The following MPP7 variants were observed in gnomAD, a reference collection of about 807,000 sequenced individuals.
MPP7 encodes the protein MAGUK p55 scaffold protein 7.
A neutral mutation model predicts 76.5 loss-of-function variants in MPP7; 60 were observed. That is an observed-to-expected ratio of 0.78 (90% CI 0.64 to 0.97). The LOEUF is 0.97. MPP7 is among the 50% of genes least tolerant of loss of function. The pLI, the probability that MPP7 is intolerant of heterozygous loss-of-function variation, is 0.00. For synonymous variants in MPP7, 237 were observed against 244.5 expected (o/e 0.97, Z 0.29); for missense variants, 641 against 694.0 (o/e 0.92, Z 0.86).
intron 11 of MPP7, among the ~76,000 whole-genome samples, chr10:28,090,533 T>A (rs999376094): frequency 2.8e-4 from 43 of 152,234 alleles, no homozygotes; most frequent in African/African-American, 9.6e-4. Context: ...GCATTTTAAA[T>A]GTAAACAATA....
At chr10:28,218,233 G>C (rs932040914) in intron 2 of MPP7, among the ~76,000 whole-genome samples, 14 of 152,186 alleles carry the variant, frequency 9.2e-5, no homozygotes, top group African/African-American at 3.4e-4. Context: ...CTGGAAAGGA[G>C]TCGGGGGTAG....
chr10:28,238,989 G>A (rs1245690975), intron 1 of MPP7, among the ~76,000 whole-genome samples: 6 of 152,102 alleles, frequency 3.9e-5, no homozygotes, highest in Non-Finnish European at 7.4e-5. Flanking sequence ...TTGGGTTGAG[G>A]AACACTGATT....
At position 28,091,818 on chromosome 10, in the gene MPP7, A is replaced by G. The variant is rs141694062; in HGVS notation, c.953-1977T>C. Among the ~76,000 whole-genome samples the G allele has an allele frequency of 1.1e-4, 16 of 152,242 alleles. No homozygotes were observed. In the East Asian group the frequency reaches 3.1e-3, roughly 29 times the overall value. ...TTGTCCTTGTCATTATTCCCTAAAC[A>G]ATAGAGTATAATAATTTACATAGCA... is the stretch of plus-strand genomic sequence containing the variant. On this transcript the variant is annotated intron_variant, in intron 11 of 16. Transcript: ENST00000683449.
intron 1 of MPP7, among the ~76,000 whole-genome samples, chr10:28,269,507 T>C (rs1355525479): frequency 1.3e-5 from 2 of 151,370 alleles, no homozygotes; most frequent in East Asian, 3.9e-4. Flanking sequence ...CCTTCACAGT[T>C]TGAATATTTG....
chr10:28,273,486 AT>A (rs1235918586), intron 1 of MPP7, among the ~76,000 whole-genome samples: 1 of 152,220 alleles, frequency 6.6e-6, no homozygotes, highest in African/African-American at 2.4e-5. Flanking sequence ...GGAGACAGAC[AT>A]AAGCAATTGC....
At chr10:28,143,449 A>G (rs530914317) in intron 5 of MPP7, among the ~76,000 whole-genome samples, 1 of 149,776 alleles carries the variant, frequency 6.7e-6, no homozygotes, top group African/African-American at 2.4e-5. Flanking sequence ...ATAATAAATT[A>G]TCACATCTTA....
intron 1 of MPP7, among the ~76,000 whole-genome samples, chr10:28,293,691 C>T (rs1013806931): frequency 3.3e-5 from 5 of 152,170 alleles, no homozygotes; most frequent in South Asian, 2.1e-4. Flanking sequence ...GGGGCAGCTC[C>T]GCGTCACAGG....
chr10:28,302,094 A>G lies in MPP7; in HGVS notation c.-132+767T>C, dbSNP rs1841170065. On this transcript the variant is annotated intron_variant, in intron 1 of 16. Coordinates refer to ENST00000683449, the MANE Select transcript of MPP7 (RefSeq NM_001318170.2). The stretch of plus-strand genomic sequence containing the variant: ...GTGAATATTGCTTTTAAAAATTAGA[A>G]AAAGAAAAAAATCACAATTCTACTC... Among the ~76,000 whole-genome samples, 5 of 152,118 alleles carry G rather than the reference A, an allele frequency of 3.3e-5. 1 individual carries two copies. The highest frequency in any genetic ancestry group is 1.2e-4 in the African/African-American group (5 of 41,410).
intron 2 of MPP7, among the ~76,000 whole-genome samples, chr10:28,208,367 A>G (rs1400290816): frequency 6.6e-6 from 1 of 152,220 alleles, no homozygotes; most frequent in African/African-American, 2.4e-5. Flanking sequence ...TAGCAGGACT[A>G]AAAAGCCAGA....
intron 12 of MPP7, among the ~76,000 whole-genome samples, chr10:28,074,376 C>A (rs1016143496): frequency 3.9e-5 from 6 of 152,050 alleles, no homozygotes; most frequent in Admixed American, 3.3e-4. Flanking sequence ...TGGCTCACTG[C>A]AACCTCCGCT....
intron 1 of MPP7, among the ~76,000 whole-genome samples, chr10:28,272,466 G>C (rs375387530): frequency 1.3e-5 from 2 of 152,128 alleles, no homozygotes; most frequent in East Asian, 1.9e-4. Context: ...ATAATAAATA[G>C]AGGTAATTCA....
chr10:28,325,484 C>A (rs1319369262), intron 2 of MPP7, among the ~76,000 whole-genome samples: 1 of 151,630 alleles, frequency 6.6e-6, no homozygotes, highest in Non-Finnish European at 1.5e-5. Context: ...TATCCCATTT[C>A]ATTTCTTTTT....
chr10:28,202,234 C>T lies in MPP7; in HGVS notation c.75G>A (p.Leu25=). 1 of 1,613,650 alleles carries T rather than the reference C, an allele frequency of 6.2e-7. No homozygotes were observed. Among genetic ancestry groups the T allele is most frequent in the Non-Finnish European group, 8.5e-7 (1 of 1,179,710 alleles). ...YELLAALPAQ[L]QPHVDSQEDL... is the part of the protein sequence containing the mutation. ...CTTCCTGGCTATCCACATGTGGCTG[C>T]AGCTGGGCTGGCAGAGCAGCCAACA... is the stretch of plus-strand genomic sequence containing the variant. Residue 25 remains leucine, a synonymous_variant, in exon 3 of 17, where the codon CTG becomes CTA. Transcript: ENST00000683449.
chr10:28,105,229 C>A (rs1834286131), intron 11 of MPP7, among the ~76,000 whole-genome samples: 1 of 148,526 alleles, frequency 6.7e-6, no homozygotes. Context: ...AGTTATCCAT[C>A]TGCCAATAAG....
intron 3 of MPP7, among the ~76,000 whole-genome samples, chr10:28,188,113 A>G (rs2133935203): frequency 6.6e-6 from 1 of 152,292 alleles, no homozygotes; most frequent in East Asian, 1.9e-4. Context: ...AATTCAACCT[A>G]AATTCATGAG....
chr10:28,150,236 C>T lies in MPP7; in HGVS notation c.157-177G>A, dbSNP rs558369697. On this transcript the variant is annotated intron_variant, in intron 3 of 16. Coordinates refer to ENST00000683449, the MANE Select transcript of MPP7 (RefSeq NM_001318170.2). ...TGCTAATATAAACCCATAGGTGACA[C>T]GTATGTGTGCCTAATTCATCTATTA... Among the ~76,000 whole-genome samples, 14 of 152,284 alleles carry T rather than the reference C, an allele frequency of 9.2e-5. No homozygotes were observed. The South Asian group carries it at 2.5e-3, about 27-fold the overall frequency.
chr10:28,245,692 G>A, intron 1 of MPP7, among the ~76,000 whole-genome samples: 1 of 151,396 alleles, frequency 6.6e-6, no homozygotes, highest in Non-Finnish European at 1.5e-5. Flanking sequence ...TTCCGCTCTT[G>A]TTGCCCAGGC....
At chr10:28,062,023 G>A (rs1851807058) in intron 13 of MPP7, among the ~76,000 whole-genome samples, 2 of 152,102 alleles carry the variant, frequency 1.3e-5, no homozygotes, top group Non-Finnish European at 2.9e-5. Context: ...AGTTTTTTAG[G>A]CTGAAGATAA....
At chr10:28,209,231 G>C (rs893481445) in intron 2 of MPP7, among the ~76,000 whole-genome samples, 1 of 152,108 alleles carries the variant, frequency 6.6e-6, no homozygotes, top group Non-Finnish European at 1.5e-5. Flanking sequence ...CACAGAGGCC[G>C]AGGCAGGAAT....
Sources: gnomAD v4.1 joint callset for allele counts (sites outside exome capture counted in the v4.1 genomes callset) on GRCh38, gnomAD v4.1.1 for gene constraint, MANE v1.5 for transcripts, NCBI Gene and HGNC (gene_info 2026-07-23, HGNC 2026-07-21) for gene names.